The following ANKS1B variants were observed in gnomAD, a reference collection of about 807,000 sequenced individuals.
The protein encoded by ANKS1B is ankyrin repeat and sterile alpha motif domain containing 1B.
In ANKS1B, 36 loss-of-function variants were observed where a neutral mutation model predicts 148.3. The ratio of observed to expected loss-of-function variants is 0.24; its 90% CI spans 0.19 to 0.32. The LOEUF (loss-of-function observed/expected upper bound fraction) is 0.32, where lower values mean the gene tolerates loss of function less well. Ranked by LOEUF, ANKS1B falls within the 10% of genes least tolerant of loss-of-function variation. The pLI is 1.00. For missense variants in ANKS1B, 1,157 were observed against 1,542.6 expected, an observed-to-expected ratio of 0.75 and a Z score of 4.19; for synonymous variants, 542 against 560.8, an observed-to-expected ratio of 0.97 and a Z score of 0.47.
At chr12:98,752,580 C>A (rs1340787950) in intron 25 of ANKS1B, among the ~76,000 whole-genome samples, 1 of 152,068 alleles carries the variant, frequency 6.6e-6, no homozygotes, top group East Asian at 1.9e-4. Context: ...TTAAGCTTGG[C>A]AAAATAAATT....
chr12:98,759,880 T>C (rs2153433666), intron 25 of ANKS1B, among the ~76,000 whole-genome samples: 1 of 152,160 alleles, frequency 6.6e-6, no homozygotes, highest in Middle Eastern at 3.4e-3. Flanking sequence ...CTCGGGGGGC[T>C]GAGGCAGGAG....
At chr12:99,433,890 C>T (rs1049080326) in intron 11 of ANKS1B, among the ~76,000 whole-genome samples, 1 of 152,082 alleles carries the variant, frequency 6.6e-6, no homozygotes, top group African/African-American at 2.4e-5. Flanking sequence ...ATTTAGAGCA[C>T]AGTCTCCTTT....
chr12:99,749,788 G>C (rs1411369185), intron 8 of ANKS1B, among the ~76,000 whole-genome samples: 2 of 152,014 alleles, frequency 1.3e-5, no homozygotes, highest in Non-Finnish European at 2.9e-5. Flanking sequence ...TCAGAAGCTA[G>C]TGCTTCAGAA....
chr12:98,902,713 T>C (rs1458708353), intron 17 of ANKS1B, among the ~76,000 whole-genome samples: 1 of 152,240 alleles, frequency 6.6e-6, no homozygotes, highest in East Asian at 1.9e-4. Context: ...ATAAGTGTTC[T>C]TTAAAGATGT....
intron 1 of ANKS1B, among the ~76,000 whole-genome samples, chr12:99,856,408 AT>A (rs1338474678): frequency 1.3e-5 from 2 of 151,014 alleles, no homozygotes; most frequent in African/African-American, 2.4e-5. Flanking sequence ...TGAGATTGAA[AT>A]GCTAATTTAA....
intron 12 of ANKS1B, among the ~76,000 whole-genome samples, chr12:99,331,889 G>A (rs2087630109): frequency 6.6e-6 from 1 of 151,972 alleles, no homozygotes; most frequent in Non-Finnish European, 1.5e-5. Context: ...CGTGGGGAAT[G>A]AATAGAGGGA....
intron 9 of ANKS1B, among the ~76,000 whole-genome samples, chr12:99,536,131 A>G (rs1156565996): frequency 6.6e-6 from 1 of 152,186 alleles, no homozygotes; most frequent in Non-Finnish European, 1.5e-5. Context: ...GAACTCACTC[A>G]GTGGGAAAGG....
At chr12:98,737,132 C>G (rs972769141) in intron 9 of ANKS1B, among the ~76,000 whole-genome samples, 1 of 152,158 alleles carries the variant, frequency 6.6e-6, no homozygotes, top group African/African-American at 2.4e-5. Flanking sequence ...ATTTGAGCTC[C>G]CTCCTCTTTG....
At position 99,132,830 on chromosome 12, in the gene ANKS1B, C is replaced by T. The variant is rs142910203; in HGVS notation, c.2526+21459G>A. Among the ~76,000 whole-genome samples the T allele has an allele frequency of 9.1e-4, 138 of 152,218 alleles. 1 individual carries two copies. Among genetic ancestry groups the T allele is most frequent in the African/African-American group, 3.1e-3 (130 of 41,526 alleles). Reference sequence around the variant, plus strand: ...GTGAGGATCAAGTTTAAATAAAGCACATAAAGTGGCCACTCATATAGCAGG... The same window carrying T: ...GTGAGGATCAAGTTTAAATAAAGCATATAAAGTGGCCACTCATATAGCAGG... On this transcript the variant is annotated intron_variant, in intron 15 of 26. Transcript: ENST00000683438.
At chr12:99,801,293 T>C (rs888812780) in intron 4 of ANKS1B, among the ~76,000 whole-genome samples, 1 of 152,080 alleles carries the variant, frequency 6.6e-6, no homozygotes, top group African/African-American at 2.4e-5. Flanking sequence ...ACTTACAGCA[T>C]CAAACATACT....
intron 17 of ANKS1B, among the ~76,000 whole-genome samples, chr12:98,921,988 G>A (rs1423571237): frequency 6.6e-6 from 1 of 152,160 alleles, no homozygotes; most frequent in Non-Finnish European, 1.5e-5. Context: ...ATGTGAGGGC[G>A]ATCTGCCCTT....
chr12:99,820,818 G>C (rs1177093969), intron 2 of ANKS1B, among the ~76,000 whole-genome samples: 2 of 151,908 alleles, frequency 1.3e-5, no homozygotes, highest in Non-Finnish European at 2.9e-5. Flanking sequence ...CAACAAAGGG[G>C]AGATAATGCA....
At chr12:99,116,432 TGTG>T (rs1338011056) in intron 15 of ANKS1B, among the ~76,000 whole-genome samples, 1 of 152,184 alleles carries the variant, frequency 6.6e-6, no homozygotes, top group East Asian at 1.9e-4. Context: ...ATCATAGGAT[TGTG>T]GTGATCATTT....
At chr12:98,781,060 G>A in intron 24 of ANKS1B, 57 bp downstream of exon 24, 1 of 1,102,968 alleles carries the variant, frequency 9.1e-7, no homozygotes, top group Admixed American at 2.3e-5. Context: ...AAGGATTTTA[G>A]ATCATACACT....
At chr12:99,062,777 G>A (rs760109251) in intron 16 of ANKS1B, among the ~76,000 whole-genome samples, 1 of 152,122 alleles carries the variant, frequency 6.6e-6, no homozygotes, top group Non-Finnish European at 1.5e-5. Context: ...GGTTGAGAAG[G>A]GTCAGAGTCA....
intron 26 of ANKS1B, among the ~76,000 whole-genome samples, chr12:98,750,942 C>T (rs1336722416): frequency 1.3e-5 from 2 of 152,240 alleles, no homozygotes; most frequent in Admixed American, 1.3e-4. Flanking sequence ...CCGAGGACAT[C>T]ATCACTGTGT....
intron 8 of ANKS1B, among the ~76,000 whole-genome samples, chr12:99,720,681 C>G (rs749990196): frequency 6.6e-6 from 1 of 152,178 alleles, no homozygotes; most frequent in Non-Finnish European, 1.5e-5. Flanking sequence ...CCCATTGGAG[C>G]TCCTGTATGG....
At chr12:98,748,796 A>T (rs1430895446) in intron 26 of ANKS1B, among the ~76,000 whole-genome samples, 2 of 152,156 alleles carry the variant, frequency 1.3e-5, no homozygotes, top group Non-Finnish European at 2.9e-5. Context: ...ATGAGCTCTT[A>T]TGCCACCCAA....
At chr12:99,708,415 G>A (rs1284360734) in intron 8 of ANKS1B, among the ~76,000 whole-genome samples, 1 of 152,026 alleles carries the variant, frequency 6.6e-6, no homozygotes, top group Non-Finnish European at 1.5e-5. Flanking sequence ...AAATTTAGTG[G>A]CTTAAAACAA....
Sources: gnomAD v4.1 joint callset for allele counts (sites outside exome capture counted in the v4.1 genomes callset) on GRCh38, gnomAD v4.1.1 for gene constraint, MANE v1.5 for transcripts, NCBI Gene and HGNC (gene_info 2026-07-23, HGNC 2026-07-21) for gene names.